The following GPC3 variants were observed in gnomAD, a reference collection of about 807,000 sequenced individuals.
GPC3 encodes the protein glypican-3.
Under a neutral mutation model 34.4 loss-of-function variants are expected in GPC3, and 3 were observed. The observed-to-expected ratio is 0.09, with a 90% CI of 0.04 to 0.23. The LOEUF is 0.23. GPC3 is among the 10% of genes least tolerant of loss of function. GPC3 has a pLI of 1.00. For synonymous variants in GPC3, 177 were observed against 174.0 expected, an observed-to-expected ratio of 1.02 and a Z score of -0.13; for missense variants, 351 against 445.6, an observed-to-expected ratio of 0.79 and a Z score of 1.91.
chrX:133,969,560 ATATT>A (rs2076481120), intron 1 of GPC3, among the ~76,000 whole-genome samples: 1 of 111,666 alleles, frequency 9.0e-6, no homozygotes, highest in Non-Finnish European at 1.9e-5. Context: ...ATACCCTAAA[ATATT>A]TATTCTACGT....
intron 2 of GPC3, among the ~76,000 whole-genome samples, chrX:133,849,152 T>C (rs1340475622): frequency 1.1e-5 from 1 of 92,471 alleles, no homozygotes; most frequent in African/African-American, 4.3e-5. Flanking sequence ...TGGAGTGCAG[T>C]GGCGCTACCT....
intron 2 of GPC3, among the ~76,000 whole-genome samples, chrX:133,879,724 T>G (rs1427824226): frequency 9.1e-6 from 1 of 109,701 alleles, no homozygotes; most frequent in East Asian, 2.8e-4. Context: ...GAGAATCATT[T>G]GAACCCAGGA....
chrX:133,594,187 A>C (rs2069886475), intron 7 of GPC3, among the ~76,000 whole-genome samples: 1 of 112,355 alleles, frequency 8.9e-6, no homozygotes, highest in African/African-American at 3.2e-5. Flanking sequence ...GCCTAATTGC[A>C]TTTAAGGGCA....
At chrX:133,926,770 A>G (rs181256236) in intron 2 of GPC3, among the ~76,000 whole-genome samples, 1 of 110,949 alleles carries the variant, frequency 9.0e-6, no homozygotes, top group African/African-American at 3.3e-5. Context: ...CTAACCAAAA[A>G]TACCGTCCCC....
chrX:133,783,549 C>A (rs1440899284), intron 2 of GPC3, among the ~76,000 whole-genome samples: 2 of 112,181 alleles, frequency 1.8e-5, no homozygotes, highest in South Asian at 3.7e-4. Flanking sequence ...TTGCTTTCCC[C>A]CTAGCTAGCA....
chrX:133,916,605 A>G (rs1333300192), intron 2 of GPC3, among the ~76,000 whole-genome samples: 2 of 111,949 alleles, frequency 1.8e-5, no homozygotes, highest in Admixed American at 1.9e-4. Context: ...TAGACTGGGC[A>G]TGGTGGCTCA....
At chrX:133,564,710 T>A (rs897535464) in intron 7 of GPC3, among the ~76,000 whole-genome samples, 1 of 112,010 alleles carries the variant, frequency 8.9e-6, no homozygotes, top group Admixed American at 9.5e-5. Flanking sequence ...AGCATTGGCA[T>A]GGTGTCTGGC....
chrX:133,790,713 T>C (rs2072152189), intron 2 of GPC3, among the ~76,000 whole-genome samples: 1 of 110,985 alleles, frequency 9.0e-6, no homozygotes, highest in Non-Finnish European at 1.9e-5. Flanking sequence ...TATAACACCA[T>C]ATCTACATAT....
chrX:133,720,031 G>A (rs2071348077), intron 3 of GPC3, among the ~76,000 whole-genome samples: 1 of 111,660 alleles, frequency 9.0e-6, no homozygotes, highest in Non-Finnish European at 1.9e-5. Flanking sequence ...TGCAAGAATG[G>A]CCATAATTTA....
intron 2 of GPC3, among the ~76,000 whole-genome samples, chrX:133,794,269 GTTTT>G (rs2075565426): frequency 1.8e-5 from 2 of 111,649 alleles, no homozygotes; most frequent in Non-Finnish European, 3.8e-5. Flanking sequence ...AGAGGCTTTA[GTTTT>G]TAATCAAGAG....
At chrX:133,643,639 G>A (rs1286365771) in intron 6 of GPC3, among the ~76,000 whole-genome samples, 3 of 110,657 alleles carry the variant, frequency 2.7e-5, no homozygotes, top group Non-Finnish European at 5.7e-5. Flanking sequence ...TAAAAAATTG[G>A]ATTGTACTTT....
chrX:133,687,510 A>G (rs1427944563), intron 5 of GPC3, among the ~76,000 whole-genome samples: 4 of 93,517 alleles, frequency 4.3e-5, no homozygotes, highest in Admixed American at 2.6e-4. Flanking sequence ...TGCAACCTCC[A>G]CCTCCTGGAA....
At chrX:133,757,840 T>A (rs988303192) in intron 2 of GPC3, among the ~76,000 whole-genome samples, 4 of 112,017 alleles carry the variant, frequency 3.6e-5, no homozygotes, top group African/African-American at 1.3e-4. Flanking sequence ...ATTTATGAAG[T>A]AACTGCAAGG....
At chrX:133,810,247 A>G in intron 2 of GPC3, among the ~76,000 whole-genome samples, 1 of 112,371 alleles carries the variant, frequency 8.9e-6, no homozygotes. Flanking sequence ...CTGCCTTGAA[A>G]TCAATTAAGG....
chrX:133,588,255 A>G (rs191379035), intron 7 of GPC3, among the ~76,000 whole-genome samples: 1 of 111,416 alleles, frequency 9.0e-6, no homozygotes, highest in East Asian at 2.8e-4. Context: ...TATAAAATAC[A>G]TTTTGGTAAA....
intron 2 of GPC3, among the ~76,000 whole-genome samples, chrX:133,865,334 C>A (rs2075961773): frequency 8.9e-6 from 1 of 111,928 alleles, no homozygotes; most frequent in African/African-American, 3.2e-5. Context: ...TATACTATTG[C>A]AGGTGGTATT....
intron 7 of GPC3, among the ~76,000 whole-genome samples, chrX:133,586,795 A>G (rs1391123773): frequency 8.9e-6 from 1 of 111,961 alleles, no homozygotes; most frequent in Non-Finnish European, 1.9e-5. Context: ...GATGGAGAAC[A>G]TCTTTTTTTT....
At chrX:133,798,958 G>T (rs1432256685) in intron 2 of GPC3, among the ~76,000 whole-genome samples, 7 of 111,958 alleles carry the variant, frequency 6.3e-5, no homozygotes, top group Non-Finnish European at 1.3e-4. Context: ...TTCATTACTT[G>T]TAGGGTCCCG....
intron 7 of GPC3, among the ~76,000 whole-genome samples, chrX:133,561,159 A>C (rs918128389): frequency 8.0e-5 from 9 of 112,540 alleles, no homozygotes; most frequent in African/African-American, 2.9e-4. Context: ...TTAGCTGAGA[A>C]GCACATTGGT....
Sources: allele counts gnomAD v4.1 joint callset (sites outside exome capture counted in the v4.1 genomes callset), GRCh38; gene constraint gnomAD v4.1.1; transcripts MANE v1.5; gene names NCBI Gene and HGNC (gene_info 2026-07-23, HGNC 2026-07-21).